The following OR2T27 variants were observed in gnomAD, a reference collection of about 807,000 sequenced individuals.
OR2T27 encodes olfactory receptor 2T27.
For missense variants in OR2T27, 152 were observed against 397.2 expected (o/e 0.38, Z 5.25); for synonymous variants, 51 against 152.9 (o/e 0.33, Z 4.92).
intron 1 of OR2T27, among the ~76,000 whole-genome samples, chr1:248,651,944 G>C (rs1017289144): frequency 1.8e-5 from 1 of 55,720 alleles, no homozygotes; most frequent in South Asian, 1.0e-3. Context: ...TTTATATTAT[G>C]GTAACTTTTA....
intron 1 of OR2T27, among the ~76,000 whole-genome samples, chr1:248,653,913 T>G (rs1416437115): frequency 9.8e-6 from 1 of 102,014 alleles, no homozygotes; most frequent in African/African-American, 2.8e-5. Flanking sequence ...CAAAAAGTTT[T>G]GAAATATTTC....
chr1:248,655,199 G>C (rs1420370314), intron 1 of OR2T27, among the ~76,000 whole-genome samples: 1 of 39,410 alleles, frequency 2.5e-5, no homozygotes, highest in Admixed American at 5.1e-4. Context: ...GATCTGCATA[G>C]AATTCAAGTA....
At position 248,650,257 on chromosome 1, in the gene OR2T27, G is replaced by A. The variant is rs1159147599; in HGVS notation, c.628C>T (p.Pro210Ser). 1.8e-5 allele frequency: 15 copies of A among 844,268 alleles called. 2 individuals are homozygous for A. Among genetic ancestry groups the A allele is most frequent in the South Asian group, 1.7e-5 (1 of 58,952 alleles). The allele number at this position is 844,268 out of a possible 1,614,324, so 52.3% of individuals were successfully genotyped here. The change falls in exon 2 of 2, where the codon CCT becomes TCT. Residue 210 changes from proline (P) to serine (S), a missense_variant. Transcript: ENST00000460972. ...YVCCIMMLLI[P>S]FSVISGSYTR... ...TAAGAGCCCGAGATGACAGAGAAAG[G>A]GATGAGGAGCATCATAATACAGCAG...
rs765574050 is a variant in OR2T27 at position 248,650,839 on chromosome 1, C to A, written c.46G>T (p.Gly16Cys). 2.4e-5 allele frequency: 39 copies of A among 1,609,230 alleles called. 1 individual carries two copies. The highest frequency in any genetic ancestry group is 3.3e-5 in the Non-Finnish European group (39 of 1,177,208). ...YSVYADFILLGLFSNARFPWL... is the reference protein window; with the variant it reads ...YSVYADFILLCLFSNARFPWL... Reference sequence around the variant, plus strand: ...GGGAAACGGGCGTTGCTGAACAAACCCAGAAGGATAAAGTCGGCATACACG... The same window carrying A: ...GGGAAACGGGCGTTGCTGAACAAACACAGAAGGATAAAGTCGGCATACACG... Residue 16 changes from glycine to cysteine, a missense_variant, in exon 2 of 2, where the codon GGT (glycine) becomes TGT (cysteine). Gly to Cys is a radical substitution (Grantham distance 159). Transcript: ENST00000460972.
intron 1 of OR2T27, among the ~76,000 whole-genome samples, chr1:248,653,458 C>A (rs74452532): frequency 0.07 from 9,684 of 137,472 alleles, 1,080 homozygotes; most frequent in East Asian, 0.27. Context: ...CACATCTTTC[C>A]CAGTCTTTAT....
At chr1:248,652,095 T>A (rs1243536721) in intron 1 of OR2T27, among the ~76,000 whole-genome samples, 2 of 152,250 alleles carry the variant, frequency 1.3e-5, no homozygotes, top group African/African-American at 4.8e-5. Context: ...TCCCTGAGAA[T>A]ATGACAGCTC....
At position 248,649,923 on chromosome 1, in the gene OR2T27, A is replaced by G; in HGVS notation, c.*8T>C. 2.6e-6 allele frequency: 4 copies of G among 1,516,216 alleles called. No homozygotes were observed. In the South Asian group the frequency reaches 4.6e-5, roughly 17 times the overall value. 93.9% of individuals were successfully genotyped at this position (1,516,216 alleles called of 1,614,324 possible). A position where few individuals can be genotyped will look rare whatever the true frequency, so the allele number is the denominator to read the frequency against. On this transcript the variant is annotated 3_prime_UTR_variant, in exon 2 of 2. Transcript: ENST00000460972. ...CATTTCAAGTCTCTAGCAGCATATG[A>G]AATTTCTTTAGAAAGTGGTTACCTT... is the stretch of plus-strand genomic sequence containing the variant.
Position 248,649,966 on chromosome 1 carries a change from T to TC in OR2T27, c.918dup (p.Arg307GlufsTer22), listed in dbSNP as rs748962859. The TC allele has an allele frequency of 4.5e-5, 71 of 1,578,900 alleles. 5 individuals are homozygous for TC. Among genetic ancestry groups the TC allele is most frequent in the Non-Finnish European group, 5.5e-5 (64 of 1,156,742 alleles). On this transcript the variant is annotated frameshift_variant, in exon 2 of 2. Transcript: ENST00000460972. LOFTEE classifies it low-confidence loss of function (END_TRUNC). ...GTTACCTTTCCTGAGGACACACACC[T>TC]CCCCACAACCTTCTGTAGGGCCCCT...
rs575209984 is a variant in OR2T27 at position 248,649,911 on chromosome 1, T to C, written c.*20A>G. 3 of 1,462,716 alleles carry C rather than the reference T, an allele frequency of 2.1e-6. No homozygotes were observed. The African/African-American group carries it at 4.3e-5, about 21-fold the overall frequency. The allele number at this position is 1,462,716 out of a possible 1,614,324, so 90.6% of individuals were successfully genotyped here. A position where few individuals can be genotyped will look rare whatever the true frequency, so the allele number is the denominator to read the frequency against. On this transcript the variant is annotated 3_prime_UTR_variant, in exon 2 of 2. Coordinates refer to ENST00000460972, the MANE Select transcript of OR2T27 (RefSeq NM_001001824.2). ...TCTTGTATCCTTCATTTCAAGTCTC[T>C]AGCAGCATATGAAATTTCTTTAGAA...
chr1:248,652,449 T>C (rs1351908753), intron 1 of OR2T27, among the ~76,000 whole-genome samples: 1 of 148,244 alleles, frequency 6.7e-6, no homozygotes, highest in Non-Finnish European at 1.5e-5. Context: ...AGAGGCACAT[T>C]GGGTAAGCCA....
At position 248,649,925 on chromosome 1, in the gene OR2T27, A is replaced by G. The variant is rs761122966; in HGVS notation, c.*6T>C. On this transcript the variant is annotated 3_prime_UTR_variant, in exon 2 of 2. Transcript: ENST00000460972. The stretch of plus-strand genomic sequence containing the variant: ...TTTCAAGTCTCTAGCAGCATATGAA[A>G]TTTCTTTAGAAAGTGGTTACCTTTC... 5 of 1,531,534 alleles carry G rather than the reference A, an allele frequency of 3.3e-6. No individual in the cohort carries two copies. Among genetic ancestry groups the G allele is most frequent in the Admixed American group, 1.7e-5 (1 of 58,676 alleles). 94.9% of individuals were successfully genotyped at this position (1,531,534 alleles called of 1,614,324 possible). A position where few individuals can be genotyped will look rare whatever the true frequency, so the allele number is the denominator to read the frequency against.
rs757108175 is a variant in OR2T27, at chr1:248,649,996, C to T, written c.889G>A (p.Val297Ile). ...PLIYSLRNKD[V>I]TGALQKVVGR... ...ACAACCTTCTGTAGGGCCCCTGTGA[C>T]ATCCTTGTTCCTAAGGCTGTAAATG... The change falls in exon 2 of 2, where the codon GTC becomes ATC. Residue 297 changes from valine (V) to isoleucine (I), a missense_variant. Transcript: ENST00000460972. 45 of 1,576,920 alleles carry T rather than the reference C, an allele frequency of 2.9e-5. 8 individuals carry two copies. In the East Asian group the frequency reaches 9.6e-4, roughly 34 times the overall value.
chr1:248,652,570 T>C (rs1661044738), intron 1 of OR2T27, among the ~76,000 whole-genome samples: 1 of 123,660 alleles, frequency 8.1e-6, no homozygotes, highest in Non-Finnish European at 1.8e-5. Flanking sequence ...ACTTTCAGAA[T>C]GGTTTTAAGA....
chr1:248,654,995 T>TA (rs1185723287), intron 1 of OR2T27, among the ~76,000 whole-genome samples: 1 of 30,260 alleles, frequency 3.3e-5, no homozygotes, highest in African/African-American at 3.8e-5. Context: ...AACTTCTAAG[T>TA]ATTAAGTATG....
At position 248,655,264 on chromosome 1, in the gene OR2T27, G is replaced by A. The variant is rs540383791; in HGVS notation, c.-5+180C>T. ...TAAGAGTCCATAACTACTAAGAAAC[G>A]AGATTGAATTATCTAAGATTTATAT... On this transcript the variant is annotated intron_variant, in intron 1 of 1. Transcript: ENST00000460972. Among the ~76,000 whole-genome samples, 1,066 of 126,916 alleles carry A rather than the reference G, an allele frequency of 8.4e-3. 38 individuals carry two copies. The highest frequency in any genetic ancestry group is 0.027 in the African/African-American group (1,035 of 38,414). 83.3% of individuals were successfully genotyped at this position (126,916 alleles called of 152,430 possible).
chr1:248,652,068 G>A (rs1166667394), intron 1 of OR2T27, among the ~76,000 whole-genome samples: 2 of 152,192 alleles, frequency 1.3e-5, no homozygotes, highest in Non-Finnish European at 2.9e-5. Flanking sequence ...CTACTAGGCA[G>A]CACTGGTCTA....
intron 1 of OR2T27, among the ~76,000 whole-genome samples, chr1:248,655,194 G>C (rs1168671536): frequency 2.6e-5 from 1 of 38,708 alleles, no homozygotes; most frequent in African/African-American, 3.3e-5. Context: ...AGACAGATCT[G>C]CATAGAATTC....
chr1:248,653,880 A>G (rs1412291322), intron 1 of OR2T27, among the ~76,000 whole-genome samples: 2 of 124,762 alleles, frequency 1.6e-5, no homozygotes, highest in Non-Finnish European at 3.6e-5. Context: ...ACATACATGT[A>G]ATTGTAACTT....
rs373080130 is a variant in OR2T27, at chr1:248,650,003, G to A, written c.882C>T (p.Asn294=). 6.3e-7 allele frequency: 1 copy of A among 1,575,944 alleles called. No individual in the cohort carries two copies. The highest frequency in any genetic ancestry group is 8.6e-7 in the Non-Finnish European group (1 of 1,157,580). ...TCTGTAGGGCCCCTGTGACATCCTT[G>A]TTCCTAAGGCTGTAAATGAGTGGAT... ...MLNPLIYSLR[N]KDVTGALQKV... is the part of the protein sequence containing the mutation. Residue 294 remains asparagine, a synonymous_variant, in exon 2 of 2, where the codon AAC becomes AAT. Coordinates refer to ENST00000460972, the MANE Select transcript of OR2T27 (RefSeq NM_001001824.2).
Sources: gnomAD v4.1 joint callset for allele counts (sites outside exome capture counted in the v4.1 genomes callset) on GRCh38, gnomAD v4.1.1 for gene constraint, MANE v1.5 for transcripts, NCBI Gene and HGNC (gene_info 2026-07-23, HGNC 2026-07-21) for gene names.